CMSS1: variants seen among roughly 807,000 people sequenced by gnomAD.
The protein encoded by CMSS1 is cms1 ribosomal small subunit homolog, also known as protein CMSS1.
CMSS1 carries 33 observed loss-of-function variants against 43.5 expected under a neutral mutation model. That is an observed-to-expected ratio of 0.76 (90% CI 0.57 to 1.01). CMSS1 has a LOEUF of 1.01. Ranked by LOEUF, CMSS1 falls within the 50% of genes least tolerant of loss-of-function variation. The pLI is 0.00. For synonymous variants in CMSS1, 115 were observed against 117.2 expected, an observed-to-expected ratio of 0.98 and a Z score of 0.12; for missense variants, 313 against 326.4, an observed-to-expected ratio of 0.96 and a Z score of 0.32.
chr3:99,872,976 CT>C (rs1457256515), intron 1 of CMSS1, among the ~76,000 whole-genome samples: 6 of 151,732 alleles, frequency 4.0e-5, no homozygotes, highest in Non-Finnish European at 8.8e-5. Flanking sequence ...TGGTGATAAT[CT>C]GCTAGGAATT....
chr3:100,000,905 T>C (rs1056144937), intron 1 of CMSS1, among the ~76,000 whole-genome samples: 6 of 152,260 alleles, frequency 3.9e-5, no homozygotes, highest in African/African-American at 1.4e-4. Context: ...AGTCAAAGCC[T>C]GTAGTTGACC....
intron 1 of CMSS1, among the ~76,000 whole-genome samples, chr3:99,824,664 A>G (rs16841758): frequency 0.018 from 2,742 of 152,368 alleles, 47 homozygotes; most frequent in East Asian, 0.098. Context: ...CTTTTGACAG[A>G]TTTGGCAAAT....
At chr3:100,073,199 A>T (rs1218269640) in intron 1 of CMSS1, among the ~76,000 whole-genome samples, 2 of 152,150 alleles carry the variant, frequency 1.3e-5, no homozygotes, top group Non-Finnish European at 2.9e-5. Flanking sequence ...CTGGTTTGCC[A>T]CCTGTTTTTA....
intron 1 of CMSS1, among the ~76,000 whole-genome samples, chr3:99,999,878 T>G (rs1395122799): frequency 1.3e-5 from 2 of 152,178 alleles, no homozygotes; most frequent in Non-Finnish European, 2.9e-5. Flanking sequence ...ATTTAATAGT[T>G]CAGTTTCACA....
Position 100,066,760 on chromosome 3 carries a change from T to C in CMSS1, c.65-80213T>C, listed in dbSNP as rs1253246728. Reference sequence around the variant, plus strand: ...TTTAGCCGGGATGGTCTCGATCTCCTGACCTCGTGATCCGCCCGCCTCGGC... The same window carrying C: ...TTTAGCCGGGATGGTCTCGATCTCCCGACCTCGTGATCCGCCCGCCTCGGC... On this transcript the variant is annotated intron_variant, in intron 1 of 9. Coordinates refer to ENST00000421999, the MANE Select transcript of CMSS1 (RefSeq NM_032359.4). Among the ~76,000 whole-genome samples the C allele has an allele frequency of 3.2e-5, 3 of 94,788 alleles. 1 individual carries two copies. Among genetic ancestry groups the C allele is most frequent in the Non-Finnish European group, 7.4e-5 (3 of 40,610 alleles). 62.2% of individuals were successfully genotyped at this position (94,788 alleles called of 152,430 possible). A position where few individuals can be genotyped will look rare whatever the true frequency, so the allele number is the denominator to read the frequency against.
chr3:100,154,296 G>A (rs1276675212), intron 2 of CMSS1, among the ~76,000 whole-genome samples: 1 of 152,010 alleles, frequency 6.6e-6, no homozygotes, highest in Non-Finnish European at 1.5e-5. Flanking sequence ...GGTACATAGT[G>A]ATGTTTGTAT....
At chr3:100,127,946 G>C (rs549204806) in intron 1 of CMSS1, among the ~76,000 whole-genome samples, 61 of 152,294 alleles carry the variant, frequency 4.0e-4, no homozygotes, top group African/African-American at 1.3e-3. Context: ...ATTAAAGCCA[G>C]ACACCCCAGC....
intron 1 of CMSS1, among the ~76,000 whole-genome samples, chr3:100,075,921 G>GAC (rs2065843172): frequency 6.6e-6 from 1 of 152,100 alleles, no homozygotes; most frequent in Non-Finnish European, 1.5e-5. Context: ...AGCTGAGTTG[G>GAC]AGCCTAGAAA....
chr3:100,038,162 G>A (rs550784844), intron 1 of CMSS1, among the ~76,000 whole-genome samples: 1 of 152,146 alleles, frequency 6.6e-6, no homozygotes, highest in East Asian at 1.9e-4. Flanking sequence ...CACCATACTG[G>A]CCAGGCTGGT....
chr3:100,137,707 C>T (rs185273575), intron 1 of CMSS1, among the ~76,000 whole-genome samples: 364 of 151,962 alleles, frequency 2.4e-3, no homozygotes, highest in African/African-American at 5.3e-3. Context: ...GGACTATAGG[C>T]GCCCGCCACC....
At position 100,021,954 on chromosome 3, in the gene CMSS1, TGTGTGTGAGAGAGAGA is replaced by T. The variant is rs1185095333; in HGVS notation, c.65-125017_65-125002del. On this transcript the variant is annotated intron_variant, in intron 1 of 9. Coordinates refer to ENST00000421999, the MANE Select transcript of CMSS1 (RefSeq NM_032359.4). The stretch of plus-strand genomic sequence containing the variant: ...GTGTGTGTGTGTGTGTGTGTGTGTG[TGTGTGTGAGAGAGAGA>T]GAGAGAGAGAGAGAGAGAGAGAGAT... Among the ~76,000 whole-genome samples, 38 of 114,420 alleles carry T rather than the reference TGTGTGTGAGAGAGAGA, an allele frequency of 3.3e-4. No homozygotes were observed. The South Asian group carries it at 4.3e-3, about 13-fold the overall frequency. 75.1% of individuals were successfully genotyped at this position (114,420 alleles called of 152,430 possible).
chr3:99,993,916 G>A (rs1221648725), intron 1 of CMSS1, among the ~76,000 whole-genome samples: 1 of 152,086 alleles, frequency 6.6e-6, no homozygotes, highest in Non-Finnish European at 1.5e-5. Context: ...GTTAATCAGG[G>A]ATATTGGTTT....
chr3:99,925,943 A>T, intron 1 of CMSS1: 3 of 935,750 alleles, frequency 3.2e-6, no homozygotes, highest in Non-Finnish European at 3.8e-6. Flanking sequence ...GCAAGAGCTA[A>T]CTCGGGATCT....
chr3:99,897,162 C>T (rs1194302730), intron 1 of CMSS1, among the ~76,000 whole-genome samples: 1 of 152,116 alleles, frequency 6.6e-6, no homozygotes. Flanking sequence ...AGTTCGAGAC[C>T]AGCCTAGCCA....
chr3:99,980,414 A>G (rs1435244661), intron 1 of CMSS1, among the ~76,000 whole-genome samples: 2 of 152,168 alleles, frequency 1.3e-5, no homozygotes, highest in Non-Finnish European at 2.9e-5. Flanking sequence ...CAGATATGTT[A>G]GGTAACTGCC....
chr3:100,021,974 A>T (rs866849784), intron 1 of CMSS1, among the ~76,000 whole-genome samples: 3,263 of 146,614 alleles, frequency 0.022, 127 homozygotes, highest in African/African-American at 0.078. Flanking sequence ...AGAGAGAGAG[A>T]GAGAGAGAGA....
chr3:99,842,273 A>G (rs1045574655), intron 1 of CMSS1, among the ~76,000 whole-genome samples: 6 of 152,208 alleles, frequency 3.9e-5, no homozygotes, highest in African/African-American at 1.4e-4. Context: ...CATAAGGAGG[A>G]GCTAAGCTAT....
At chr3:99,827,407 G>A (rs2107479420) in intron 1 of CMSS1, among the ~76,000 whole-genome samples, 1 of 152,094 alleles carries the variant, frequency 6.6e-6, no homozygotes, top group East Asian at 1.9e-4. Context: ...GACCAGACTG[G>A]CCTCAAACTC....
rs144960168 is a variant in CMSS1 at position 100,064,960 on chromosome 3, T to C, written c.65-82013T>C. Among the ~76,000 whole-genome samples, 235 of 152,326 alleles carry C rather than the reference T, an allele frequency of 1.5e-3. 6 individuals carry two copies. The highest frequency in any genetic ancestry group is 7.9e-3 in the East Asian group (41 of 5,188). On this transcript the variant is annotated intron_variant, in intron 1 of 9. Coordinates refer to ENST00000421999, the MANE Select transcript of CMSS1 (RefSeq NM_032359.4). ...TATGCAATGTATATCTACTAACATA[T>C]GTTAAACACACACATACACATGTGT...
Sources: allele counts gnomAD v4.1 joint callset (sites outside exome capture counted in the v4.1 genomes callset), GRCh38; gene constraint gnomAD v4.1.1; transcripts MANE v1.5; gene names NCBI Gene and HGNC (gene_info 2026-07-23, HGNC 2026-07-21).